FAM120A: variants seen among roughly 807,000 people sequenced by gnomAD.
FAM120A encodes the protein constitutive coactivator of PPAR-gamma-like protein 1.
In FAM120A, 15 loss-of-function variants were observed where a neutral mutation model predicts 109.7. The ratio of observed to expected loss-of-function variants is 0.14; its 90% CI spans 0.09 to 0.21. The LOEUF (loss-of-function observed/expected upper bound fraction) is 0.21. FAM120A is among the 10% of genes least tolerant of loss of function. The pLI, the probability that FAM120A is intolerant of heterozygous loss-of-function variation, is 1.00. For synonymous variants in FAM120A, 493 were observed against 572.8 expected (o/e 0.86, Z 1.99); for missense variants, 899 against 1,439.3 (o/e 0.62, Z 6.07).
At chr9:93,531,760 A>G (rs1403171529) in intron 9 of FAM120A, among the ~76,000 whole-genome samples, 1 of 152,198 alleles carries the variant, frequency 6.6e-6, no homozygotes, top group Non-Finnish European at 1.5e-5. Context: ...CATGTAGGTA[A>G]TTGAAAATTT....
At chr9:93,506,352 G>A (rs1424794166) in intron 5 of FAM120A, among the ~76,000 whole-genome samples, 2 of 152,066 alleles carry the variant, frequency 1.3e-5, no homozygotes, top group Admixed American at 6.6e-5. Context: ...TCTTCATTAA[G>A]CATTCATAAC....
intron 1 of FAM120A, among the ~76,000 whole-genome samples, chr9:93,456,787 G>A (rs1588770616): frequency 6.6e-6 from 1 of 152,118 alleles, no homozygotes; most frequent in East Asian, 1.9e-4. Context: ...GGTCAATTAC[G>A]ATAGCTAACT....
At chr9:93,512,326 A>G (rs1273527618) in intron 5 of FAM120A, among the ~76,000 whole-genome samples, 1 of 152,206 alleles carries the variant, frequency 6.6e-6, no homozygotes, top group Non-Finnish European at 1.5e-5. Context: ...ACAGCTGCAT[A>G]TAGGCGTAAG....
At chr9:93,515,069 CAG>C (rs1381944575) in intron 5 of FAM120A, among the ~76,000 whole-genome samples, 1 of 148,546 alleles carries the variant, frequency 6.7e-6, no homozygotes, top group Admixed American at 6.7e-5. Flanking sequence ...TAAGAGAACA[CAG>C]AATCACAAAT....
intron 10 of FAM120A, among the ~76,000 whole-genome samples, chr9:93,538,543 C>T (rs767376103): frequency 4.6e-5 from 7 of 152,206 alleles, no homozygotes; most frequent in Non-Finnish European, 5.9e-5. Context: ...GTCTAGTCGG[C>T]CACCATCTTG....
intron 13 of FAM120A, among the ~76,000 whole-genome samples, chr9:93,557,555 T>C (rs1862328410): frequency 6.6e-6 from 1 of 152,246 alleles, no homozygotes; most frequent in African/African-American, 2.4e-5. Flanking sequence ...GCAAGCGTTG[T>C]CTTGTTTGAC....
At chr9:93,507,552 G>A (rs1860115483) in intron 5 of FAM120A, among the ~76,000 whole-genome samples, 1 of 152,198 alleles carries the variant, frequency 6.6e-6, no homozygotes, top group South Asian at 2.1e-4. Flanking sequence ...ATGCTGAGAG[G>A]AGCTGTGGTG....
intron 1 of FAM120A, among the ~76,000 whole-genome samples, chr9:93,461,444 A>G (rs1857787958): frequency 6.6e-6 from 1 of 152,226 alleles, no homozygotes; most frequent in African/African-American, 2.4e-5. Flanking sequence ...AATAAATAGT[A>G]TCAACCTGTG....
chr9:93,560,130 C>G (rs1276838061), intron 15 of FAM120A, among the ~76,000 whole-genome samples: 1 of 152,048 alleles, frequency 6.6e-6, no homozygotes, highest in Non-Finnish European at 1.5e-5. Flanking sequence ...CCTGCCTCTA[C>G]AAAAAATTTT....
At chr9:93,545,779 C>A (rs1861857971) in intron 11 of FAM120A, among the ~76,000 whole-genome samples, 1 of 86,992 alleles carries the variant, frequency 1.1e-5, no homozygotes, top group African/African-American at 4.3e-5. Context: ...GGGAAAGACT[C>A]CTTTTTTTTT....
chr9:93,523,137 A>T (rs1347697996), intron 7 of FAM120A: 1 of 328,628 alleles, frequency 3.0e-6, no homozygotes, highest in Admixed American at 4.9e-5. Flanking sequence ...ATGCTAGAAA[A>T]TCAGAACACT....
intron 3 of FAM120A, among the ~76,000 whole-genome samples, chr9:93,489,370 A>G (rs1219672234): frequency 1.4e-5 from 2 of 145,950 alleles, no homozygotes; most frequent in Non-Finnish European, 3.0e-5. Context: ...AATACATGAC[A>G]GGTATTCCCC....
At chr9:93,460,190 GAA>G (rs1260930844) in intron 1 of FAM120A, among the ~76,000 whole-genome samples, 4 of 152,138 alleles carry the variant, frequency 2.6e-5, no homozygotes, top group Non-Finnish European at 4.4e-5. Flanking sequence ...GTAACATGAA[GAA>G]GAGAGATTTT....
chr9:93,461,789 G>GCA (rs1442983549), intron 1 of FAM120A, among the ~76,000 whole-genome samples: 6 of 152,158 alleles, frequency 3.9e-5, no homozygotes, highest in African/African-American at 1.2e-4. Context: ...CCAGCATGAT[G>GCA]CACAAAGGAA....
intron 10 of FAM120A, among the ~76,000 whole-genome samples, chr9:93,539,494 A>C (rs1326340834): frequency 6.6e-6 from 1 of 152,206 alleles, no homozygotes; most frequent in Non-Finnish European, 1.5e-5. Context: ...GACCTCCAGG[A>C]ATCTCTTACT....
intron 5 of FAM120A, among the ~76,000 whole-genome samples, chr9:93,501,833 A>G (rs1564330190): frequency 6.6e-6 from 1 of 152,148 alleles, no homozygotes; most frequent in Non-Finnish European, 1.5e-5. Flanking sequence ...AAATAACTTT[A>G]GTTTTTTTCT....
In FAM120A at chr9:93,557,552, T is replaced by C. The variant is rs141335876; in HGVS notation, c.2485-275T>C. ...ATGAGCTGAAACAAGAAGGCAAGCG[T>C]TGTCTTGTTTGACCTCAGCTGGGGT... On this transcript the variant is annotated intron_variant, in intron 13 of 17. Coordinates refer to ENST00000277165, the MANE Select transcript of FAM120A (RefSeq NM_014612.5). Among the ~76,000 whole-genome samples, 231 of 152,312 alleles carry C rather than the reference T, an allele frequency of 1.5e-3. 1 individual carries two copies. Among genetic ancestry groups the C allele is most frequent in the Middle Eastern group, 3.4e-3 (1 of 294 alleles).
intron 11 of FAM120A, among the ~76,000 whole-genome samples, chr9:93,546,093 T>C (rs1268043007): frequency 6.6e-6 from 1 of 152,106 alleles, no homozygotes; most frequent in Non-Finnish European, 1.5e-5. Flanking sequence ...GCCAATTCCT[T>C]CTTTATTTTT....
intron 12 of FAM120A, among the ~76,000 whole-genome samples, chr9:93,553,536 G>C (rs543732845): frequency 6.6e-6 from 1 of 152,256 alleles, no homozygotes; most frequent in Admixed American, 6.5e-5. Context: ...TGAGCTAATC[G>C]GTCAGAGAGA....
Sources: gnomAD v4.1 joint callset for allele counts (sites outside exome capture counted in the v4.1 genomes callset) on GRCh38, gnomAD v4.1.1 for gene constraint, MANE v1.5 for transcripts, NCBI Gene and HGNC (gene_info 2026-07-23, HGNC 2026-07-21) for gene names.